Variants in STXBP5L observed in about 807,000 individuals in gnomAD.
STXBP5L encodes the protein syntaxin-binding protein 5-like.
Under a neutral mutation model 144.5 loss-of-function variants are expected in STXBP5L, and 65 were observed. The observed-to-expected ratio is 0.45, with a 90% confidence interval of 0.37 to 0.55. The LOEUF is 0.55. Ranked by LOEUF, STXBP5L falls within the 20% of genes least tolerant of loss-of-function variation. The pLI is 0.00. For missense variants in STXBP5L, 1,298 were observed against 1,405.5 expected (o/e 0.92, Z 1.22); for synonymous variants, 505 against 469.6 (o/e 1.08, Z -0.97).
intron 3 of STXBP5L, among the ~76,000 whole-genome samples, chr3:120,973,996 A>T (rs950324189): frequency 6.6e-6 from 1 of 152,176 alleles, no homozygotes; most frequent in Non-Finnish European, 1.5e-5. Flanking sequence ...GTGCCGCAAT[A>T]AACATACGTG....
At chr3:121,178,038 C>T (rs2047002513) in intron 9 of STXBP5L, among the ~76,000 whole-genome samples, 1 of 152,132 alleles carries the variant, frequency 6.6e-6, no homozygotes, top group African/African-American at 2.4e-5. Context: ...AAGACAAATA[C>T]TGTATGATTC....
At chr3:120,982,306 C>G (rs1284076792) in intron 3 of STXBP5L, among the ~76,000 whole-genome samples, 1 of 152,080 alleles carries the variant, frequency 6.6e-6, no homozygotes, top group Non-Finnish European at 1.5e-5. Flanking sequence ...GGTGGGGGGA[C>G]AAAGCTGGGT....
intron 3 of STXBP5L, among the ~76,000 whole-genome samples, chr3:121,027,381 T>G (rs1576702202): frequency 6.6e-6 from 1 of 152,118 alleles, no homozygotes; most frequent in Non-Finnish European, 1.5e-5. Flanking sequence ...ATAGCATCCA[T>G]GTAGGGTAAG....
chr3:121,406,967 C>A (rs2047006307), intron 22 of STXBP5L, among the ~76,000 whole-genome samples: 1 of 151,832 alleles, frequency 6.6e-6, no homozygotes, highest in Admixed American at 6.6e-5. Flanking sequence ...TGCTGTGTGA[C>A]CTGGCCCAAC....
chr3:121,124,893 T>C (rs963019305), intron 7 of STXBP5L, among the ~76,000 whole-genome samples: 8 of 152,264 alleles, frequency 5.3e-5, no homozygotes, highest in Non-Finnish European at 1.2e-4. Flanking sequence ...TTGTTGCAGG[T>C]CCTTGATTGC....
At chr3:121,308,061 A>G (rs2043399688) in intron 19 of STXBP5L, among the ~76,000 whole-genome samples, 1 of 152,200 alleles carries the variant, frequency 6.6e-6, no homozygotes, top group Admixed American at 6.5e-5. Flanking sequence ...ACTGTCATTC[A>G]AGAAACTTAT....
intron 9 of STXBP5L, among the ~76,000 whole-genome samples, chr3:121,197,105 A>T (rs189973300): frequency 2.6e-5 from 4 of 151,872 alleles, no homozygotes; most frequent in Non-Finnish European, 4.4e-5. Flanking sequence ...TCTTCGTTTC[A>T]TTCTTCACAA....
chr3:121,031,899 G>C (rs191722836), intron 3 of STXBP5L, among the ~76,000 whole-genome samples: 31 of 152,220 alleles, frequency 2.0e-4, no homozygotes, highest in Middle Eastern at 3.4e-3. Context: ...TGATAGGCCT[G>C]ACCATCATAG....
intron 5 of STXBP5L, among the ~76,000 whole-genome samples, chr3:121,069,002 G>A (rs893247801): frequency 2.0e-5 from 3 of 151,074 alleles, no homozygotes; most frequent in Non-Finnish European, 3.0e-5. Context: ...ACATGCACTC[G>A]TGTGTGTGTG....
Position 121,024,413 on chromosome 3 carries a change from G to A in STXBP5L, c.288-17287G>A, listed in dbSNP as rs563063509. ...ACCACTAAGGTAAAATCTTTTTGGG[G>A]TTACTACTGAATGCCTCTGGTTGAG... On this transcript the variant is annotated intron_variant, in intron 3 of 26. Transcript: ENST00000471454. Among the ~76,000 whole-genome samples the A allele has an allele frequency of 2.0e-5, 3 of 152,184 alleles. No homozygotes were observed. The East Asian group carries it at 5.8e-4, about 29-fold the overall frequency.
intron 9 of STXBP5L, among the ~76,000 whole-genome samples, chr3:121,177,700 C>A (rs1392033562): frequency 6.6e-6 from 1 of 152,162 alleles, no homozygotes; most frequent in African/African-American, 2.4e-5. Flanking sequence ...GATACAGCTT[C>A]TGTGGAAAAC....
intron 20 of STXBP5L, among the ~76,000 whole-genome samples, chr3:121,325,999 T>TAAA (rs553855742): frequency 7.3e-6 from 1 of 137,880 alleles, no homozygotes; most frequent in Non-Finnish European, 1.6e-5. Context: ...TTATGTCTAC[T>TAAA]AAAAAAAAAA....
At chr3:120,945,052 G>A (rs1351895525) in intron 2 of STXBP5L, among the ~76,000 whole-genome samples, 3 of 151,786 alleles carry the variant, frequency 2.0e-5, no homozygotes, top group East Asian at 1.9e-4. Flanking sequence ...TACCAAAGTG[G>A]CAAAATATGT....
At chr3:121,147,761 C>T (rs537172255) in intron 7 of STXBP5L, among the ~76,000 whole-genome samples, 12 of 152,210 alleles carry the variant, frequency 7.9e-5, no homozygotes, top group Admixed American at 5.2e-4. Flanking sequence ...ATTCCTAATG[C>T]GAGTGGGTCT....
intron 5 of STXBP5L, among the ~76,000 whole-genome samples, chr3:121,073,743 C>T (rs1021578999): frequency 1.3e-5 from 2 of 152,094 alleles, no homozygotes; most frequent in Admixed American, 1.3e-4. Context: ...TAGCCTTATA[C>T]AATGGTTTTG....
At chr3:121,048,356 G>A (rs1244900432) in intron 5 of STXBP5L, among the ~76,000 whole-genome samples, 1 of 151,968 alleles carries the variant, frequency 6.6e-6, no homozygotes, top group Non-Finnish European at 1.5e-5. Flanking sequence ...ATCTCACGCT[G>A]GTTCTCTGCA....
chr3:120,950,479 G>A (rs906171462), intron 2 of STXBP5L, among the ~76,000 whole-genome samples: 6 of 152,030 alleles, frequency 3.9e-5, no homozygotes, highest in Non-Finnish European at 7.4e-5. Flanking sequence ...TCTCTTTCAA[G>A]ATTGTTTTGT....
intron 5 of STXBP5L, among the ~76,000 whole-genome samples, chr3:121,054,829 T>C (rs771238939): frequency 6.6e-6 from 1 of 152,162 alleles, no homozygotes; most frequent in African/African-American, 2.4e-5. Context: ...ATTGATTTTA[T>C]CTTTCTCTCT....
chr3:121,357,052 C>T (rs115634622), intron 20 of STXBP5L: 175 of 195,252 alleles, frequency 9.0e-4, no homozygotes, highest in African/African-American at 3.8e-3. Flanking sequence ...AGGGATCATA[C>T]CCAAATTGCC....
Sources: allele counts gnomAD v4.1 joint callset (sites outside exome capture counted in the v4.1 genomes callset), GRCh38; gene constraint gnomAD v4.1.1; transcripts MANE v1.5; gene names NCBI Gene and HGNC (gene_info 2026-07-23, HGNC 2026-07-21).